Variants in ARMC9 observed in about 807,000 individuals in gnomAD.
ARMC9 encodes the protein armadillo repeat containing 9.
Under a neutral mutation model 107.0 loss-of-function variants are expected in ARMC9, and 94 were observed. The observed-to-expected ratio is 0.88, with a 90% CI of 0.74 to 1.04. ARMC9 has a LOEUF of 1.04. ARMC9 is among the 50% of genes least tolerant of loss of function. The probability of loss-of-function intolerance (pLI) is 0.00; values close to 1 mark genes in which losing one functional copy is unlikely to be tolerated. For synonymous variants in ARMC9, 380 were observed against 396.9 expected, an observed-to-expected ratio of 0.96 and a Z score of 0.51; for missense variants, 942 against 1,030.1, an observed-to-expected ratio of 0.91 and a Z score of 1.17.
At chr2:231,242,583 C>T (rs536901194) in intron 9 of ARMC9, among the ~76,000 whole-genome samples, 3 of 152,246 alleles carry the variant, frequency 2.0e-5, no homozygotes, top group East Asian at 3.9e-4. Flanking sequence ...AGTTAACATT[C>T]GGACAGTTAG....
At chr2:231,244,173 C>T (rs2036551435) in intron 9 of ARMC9, among the ~76,000 whole-genome samples, 1 of 152,136 alleles carries the variant, frequency 6.6e-6, no homozygotes, top group Non-Finnish European at 1.5e-5. Flanking sequence ...GTTTTTATAT[C>T]TGGCAGTTAA....
At position 231,216,754 on chromosome 2, in the gene ARMC9, C is replaced by G; in HGVS notation, c.465C>G (p.Pro155=). ...FLPFYALPFV[P]NPMVHPSFKE... ...CTTTCTATGCCCTTCCTTTTGTTCCCAACCCTATGGTGCACCCCTCATTTA... is the reference window on the plus strand; with the variant it reads ...CTTTCTATGCCCTTCCTTTTGTTCCGAACCCTATGGTGCACCCCTCATTTA... Residue 155 remains proline, a synonymous_variant, in exon 5 of 25, where the codon CCC becomes CCG. Transcript: ENST00000611582. 6.2e-7 allele frequency: 1 copy of G among 1,614,074 alleles called. No homozygotes were observed. The highest frequency in any genetic ancestry group is 8.5e-7 in the Non-Finnish European group (1 of 1,179,948).
At chr2:231,324,436 A>G (rs1428612019) in intron 19 of ARMC9, among the ~76,000 whole-genome samples, 1 of 149,678 alleles carries the variant, frequency 6.7e-6, no homozygotes, top group African/African-American at 2.5e-5. Context: ...TTTAATTAAA[A>G]AACAGCTTTG....
intron 23 of ARMC9, among the ~76,000 whole-genome samples, chr2:231,366,936 T>C (rs1380259951): frequency 1.3e-5 from 2 of 149,636 alleles, no homozygotes; most frequent in Non-Finnish European, 3.0e-5. Context: ...CTGCAACCTC[T>C]GCCTCCCGGG....
Position 231,264,885 on chromosome 2 carries a change from TCA to T in ARMC9, c.1119+2488_1119+2489del, listed in dbSNP as rs2038716170. Reference sequence around the variant, plus strand: ...ACTTTGGTAGGCCGAGGCGGGTGGATCAGGAGGTTAGGAGATCAAGACCAGCC... The same window carrying T: ...ACTTTGGTAGGCCGAGGCGGGTGGATGGAGGTTAGGAGATCAAGACCAGCC... On this transcript the variant is annotated intron_variant, in intron 12 of 24. Transcript: ENST00000611582. Among the ~76,000 whole-genome samples, 3 of 151,798 alleles carry T rather than the reference TCA, an allele frequency of 2.0e-5. No homozygotes were observed. In the South Asian group the frequency reaches 6.2e-4, roughly 32 times the overall value.
rs1463235794 is a variant in ARMC9 at position 231,206,371 on chromosome 2, G to A, written c.51+82G>A. 1.6e-5 allele frequency: 17 copies of A among 1,095,612 alleles called. No homozygotes were observed. In the East Asian group the frequency reaches 4.2e-4, roughly 27 times the overall value. 67.9% of individuals were successfully genotyped at this position (1,095,612 alleles called of 1,614,324 possible). On this transcript the variant is annotated intron_variant, in intron 2 of 24. Transcript: ENST00000611582. Reference sequence around the variant, plus strand: ...TTTAAAATGCAACAAACTATTTAGTGCCTTGTAATGTTTCTTCTATTGTTA... The same window carrying A: ...TTTAAAATGCAACAAACTATTTAGTACCTTGTAATGTTTCTTCTATTGTTA...
At chr2:231,282,709 A>G (rs899562532) in intron 17 of ARMC9, among the ~76,000 whole-genome samples, 19 of 152,226 alleles carry the variant, frequency 1.2e-4, no homozygotes, top group African/African-American at 4.3e-4. Flanking sequence ...ATTGAGACCA[A>G]CAAAACATTC....
intron 19 of ARMC9, among the ~76,000 whole-genome samples, chr2:231,313,045 C>T (rs746536280): frequency 6.6e-6 from 1 of 152,178 alleles, no homozygotes; most frequent in Non-Finnish European, 1.5e-5. Context: ...TTTCTGTCTA[C>T]TCATTCTACC....
At chr2:231,239,189 T>C (rs1284038776) in intron 8 of ARMC9, among the ~76,000 whole-genome samples, 1 of 152,170 alleles carries the variant, frequency 6.6e-6, no homozygotes, top group Non-Finnish European at 1.5e-5. Context: ...GTGGTACTTG[T>C]ACATTGAAAT....
At chr2:231,344,338 A>G (rs2044691632) in intron 20 of ARMC9, among the ~76,000 whole-genome samples, 1 of 152,200 alleles carries the variant, frequency 6.6e-6, no homozygotes, top group African/African-American at 2.4e-5. Flanking sequence ...TAATAGTTGA[A>G]GAATGCCACC....
chr2:231,317,010 A>T (rs958109679), intron 19 of ARMC9, among the ~76,000 whole-genome samples: 1 of 152,074 alleles, frequency 6.6e-6, no homozygotes, highest in Non-Finnish European at 1.5e-5. Flanking sequence ...ATTGTTTATG[A>T]TAAGAAGCCA....
In ARMC9 at chr2:231,214,880, A is replaced by T. The variant is rs1278843168; in HGVS notation, c.227A>T (p.Asp76Val). 1 of 1,614,140 alleles carries T rather than the reference A, an allele frequency of 6.2e-7. No individual in the cohort carries two copies. Among genetic ancestry groups the T allele is most frequent in the Non-Finnish European group, 8.5e-7 (1 of 1,180,022 alleles). Residue 76 changes from aspartate to valine, a missense_variant, in exon 4 of 25, where the codon GAT becomes GTT. Asp to Val is a radical substitution (Grantham distance 152). Transcript: ENST00000611582. ...FDNGDQKVFFDLWEEHISSSI... is the reference protein window; with the variant it reads ...FDNGDQKVFFVLWEEHISSSI... ...AACGGAGACCAGAAGGTGTTCTTCG[A>T]TCTGTGGGAGGAGCACATTTCAAGT...
rs2125590791 is a variant in ARMC9 at position 231,355,827 on chromosome 2, C to G, written c.2024C>G (p.Thr675Arg). 1 of 1,536,054 alleles carries G rather than the reference C, an allele frequency of 6.5e-7. No individual in the cohort carries two copies. Among genetic ancestry groups the G allele is most frequent in the Non-Finnish European group, 8.7e-7 (1 of 1,146,860 alleles). The change falls in exon 22 of 25, where the codon ACA becomes AGA. Residue 675 changes from threonine (T) to arginine (R), a missense_variant. Coordinates refer to ENST00000611582, the MANE Select transcript of ARMC9 (RefSeq NM_001352754.2). ...GAAGACCAACACACACCTCCCCAGA[C>G]AGCCCAGCACGCCAGAAACGGCCAC... Reference protein sequence around the residue: ...VVEDQHTPPQTAQHARNGHPQ... With the variant: ...VVEDQHTPPQRAQHARNGHPQ...
At chr2:231,369,066 C>A (rs1303393452) in intron 23 of ARMC9, among the ~76,000 whole-genome samples, 1 of 152,188 alleles carries the variant, frequency 6.6e-6, no homozygotes. Flanking sequence ...AACAACTGGG[C>A]CCAGGATATG....
chr2:231,216,772 C>G lies in ARMC9; in HGVS notation c.483C>G (p.Pro161=). 1 of 1,613,188 alleles carries G rather than the reference C, an allele frequency of 6.2e-7. No homozygotes were observed. Among genetic ancestry groups the G allele is most frequent in the African/African-American group, 1.3e-5 (1 of 74,990 alleles). Residue 161 remains proline, a synonymous_variant, in exon 5 of 25, where the codon CCC becomes CCG. Transcript: ENST00000611582. ...TTGTTCCCAACCCTATGGTGCACCC[C>G]TCATTTAAAGAACTCTTCCAGGTAA... ...LPFVPNPMVH[P]SFKELFQDSW... is the part of the protein sequence containing the mutation.
intron 19 of ARMC9, among the ~76,000 whole-genome samples, chr2:231,320,819 T>TC (rs1372392316): frequency 2.0e-5 from 3 of 152,224 alleles, no homozygotes; most frequent in Admixed American, 2.0e-4. Flanking sequence ...AGCATGCTCT[T>TC]CCTGTCCTTA....
At chr2:231,247,283 T>C (rs2036860383) in intron 9 of ARMC9, among the ~76,000 whole-genome samples, 1 of 152,154 alleles carries the variant, frequency 6.6e-6, no homozygotes, top group Non-Finnish European at 1.5e-5. Flanking sequence ...TTAAAATGGT[T>C]TTGATTTTGT....
rs2046200148 is a variant in ARMC9, at chr2:231,376,452, G to T, written c.*4917G>T. On this transcript the variant is annotated 3_prime_UTR_variant, in exon 25 of 25. Coordinates refer to ENST00000611582, the MANE Select transcript of ARMC9 (RefSeq NM_001352754.2). ...CCCGGGGGCGTGGTCGTCTCTTATG[G>T]TCGAGGCTGCAGAGATGAAATAAAC... Among the ~76,000 whole-genome samples, 1 of 152,082 alleles carries T rather than the reference G, an allele frequency of 6.6e-6. No homozygotes were observed. The highest frequency in any genetic ancestry group is 6.5e-5 in the Admixed American group (1 of 15,276).
At chr2:231,333,716 G>T (rs114453004) in intron 20 of ARMC9, among the ~76,000 whole-genome samples, 1 of 152,204 alleles carries the variant, frequency 6.6e-6, no homozygotes, top group African/African-American at 2.4e-5. Flanking sequence ...CAGAGGGCAC[G>T]TGTTGATACC....
Sources: gnomAD v4.1 joint callset for allele counts (sites outside exome capture counted in the v4.1 genomes callset) on GRCh38, gnomAD v4.1.1 for gene constraint, MANE v1.5 for transcripts, NCBI Gene and HGNC (gene_info 2026-07-23, HGNC 2026-07-21) for gene names.